The following PDS5A variants were observed in gnomAD, a reference collection of about 807,000 sequenced individuals.
PDS5A encodes the protein PDS5 cohesin associated factor A, also known as sister chromatid cohesion protein PDS5 homolog A.
A neutral mutation model predicts 167.1 loss-of-function variants in PDS5A; 42 were observed. That is an observed-to-expected ratio of 0.25 (90% CI 0.20 to 0.33). The LOEUF (loss-of-function observed/expected upper bound fraction) is 0.33. Among genes scored for constraint, PDS5A ranks in the 10% least tolerant of loss-of-function variants. The pLI is 1.00. For missense variants in PDS5A, 1,033 were observed against 1,605.9 expected, an observed-to-expected ratio of 0.64 and a Z score of 6.10; for synonymous variants, 553 against 554.6, an observed-to-expected ratio of 1.00 and a Z score of 0.04.
intron 2 of PDS5A, among the ~76,000 whole-genome samples, chr4:39,938,612 G>C (rs563427789): frequency 6.6e-6 from 1 of 152,060 alleles, no homozygotes; most frequent in Admixed American, 6.6e-5. Flanking sequence ...AATGTGGTTT[G>C]TAAAAGCCAA....
chr4:39,849,451 A>AAAC (rs1717925105), intron 27 of PDS5A, 69 bp downstream of exon 27: 1 of 1,149,902 alleles, frequency 8.7e-7, no homozygotes. Flanking sequence ...AAAAAAAAAA[A>AAAC]AAAAACCAAG....
At chr4:39,829,808 G>A (rs1283536409) in intron 32 of PDS5A, among the ~76,000 whole-genome samples, 4 of 151,528 alleles carry the variant, frequency 2.6e-5, no homozygotes, top group South Asian at 4.2e-4. Flanking sequence ...AAAATTAGCC[G>A]GGCGTGGTGG....
At chr4:39,891,418 G>A (rs111930791) in intron 16 of PDS5A, among the ~76,000 whole-genome samples, 1 of 151,738 alleles carries the variant, frequency 6.6e-6, no homozygotes, top group African/African-American at 2.4e-5. Context: ...GGAGGCTGAG[G>A]CGGGCGGATC....
intron 32 of PDS5A, among the ~76,000 whole-genome samples, chr4:39,828,799 G>T (rs1174520627): frequency 1.3e-5 from 2 of 152,150 alleles, no homozygotes; most frequent in Non-Finnish European, 2.9e-5. Flanking sequence ...GAGGTTAAGA[G>T]GTAAGCTCTT....
chr4:39,973,470 C>T (rs769274250), intron 2 of PDS5A: 17 of 1,342,594 alleles, frequency 1.3e-5, no homozygotes, highest in Non-Finnish European at 1.7e-5. Context: ...TTAATATTTA[C>T]GTGAAAAATC....
rs754573929 is a variant in PDS5A, at chr4:39,976,504, T to C, written c.74A>G (p.Tyr25Cys). 1 of 1,613,130 alleles carries C rather than the reference T, an allele frequency of 6.2e-7. No individual in the cohort carries two copies. Among genetic ancestry groups the C allele is most frequent in the Admixed American group, 1.7e-5 (1 of 59,948 alleles). ...GVVSADGKIA[Y>C]PPGVKEITDK... ...GGTGATCTCTTTTACCCCCGGAGGG[T>C]AAGCGATCTTCCCGTCGGCACTCAC... The change falls in exon 2 of 33, where the codon TAC (tyrosine) becomes TGC (cysteine). Residue 25 changes from tyrosine to cysteine, a missense_variant. This residue lies in a region of PDS5A where 388 missense variants were observed against 615.1 expected (regional missense o/e 0.63). Coordinates refer to ENST00000303538, the MANE Select transcript of PDS5A (RefSeq NM_001100399.2).
At chr4:39,892,087 C>G (rs1279147213) in intron 16 of PDS5A, among the ~76,000 whole-genome samples, 1 of 151,966 alleles carries the variant, frequency 6.6e-6, no homozygotes, top group Non-Finnish European at 1.5e-5. Flanking sequence ...TGCACAGACT[C>G]TGTCTCAAAA....
intron 18 of PDS5A, among the ~76,000 whole-genome samples, chr4:39,878,103 T>A (rs1237579885): frequency 1.3e-5 from 2 of 152,250 alleles, no homozygotes; most frequent in East Asian, 1.9e-4. Context: ...TAGTGTAGTA[T>A]CAAGATTAGG....
intron 25 of PDS5A, 137 bp from the exon 26 acceptor site, chr4:39,862,470 T>C: frequency 2.0e-6 from 1 of 506,992 alleles, no homozygotes; most frequent in Non-Finnish European, 3.5e-6. Flanking sequence ...TAAAATACTT[T>C]ACACTTCACT....
At chr4:39,950,388 C>CT (rs1260227803) in intron 2 of PDS5A, among the ~76,000 whole-genome samples, 2 of 151,828 alleles carry the variant, frequency 1.3e-5, no homozygotes, top group African/African-American at 4.8e-5. Context: ...GATCATGCCA[C>CT]TGTATACTTC....
At chr4:39,871,241 T>C (rs1719999362) in intron 21 of PDS5A, among the ~76,000 whole-genome samples, 1 of 152,180 alleles carries the variant, frequency 6.6e-6, no homozygotes, top group Admixed American at 6.6e-5. Context: ...GCTATTATGT[T>C]AGTGAATTTT....
At chr4:39,916,399 A>G (rs1441427999) in intron 8 of PDS5A, among the ~76,000 whole-genome samples, 5 of 152,214 alleles carry the variant, frequency 3.3e-5, no homozygotes, top group Non-Finnish European at 7.3e-5. Context: ...TAAAATTGTA[A>G]GCAATACCAT....
Position 39,908,267 on chromosome 4 carries a change from G to A in PDS5A, c.1233+128C>T, listed in dbSNP as rs1035230730. On this transcript the variant is annotated intron_variant, in intron 11 of 32. Coordinates refer to ENST00000303538, the MANE Select transcript of PDS5A (RefSeq NM_001100399.2). ...TATGCAGGAAACATACAAATTAGGA[G>A]CTCTTTATCATTGTTATTAATTTGA... 4.2e-5 allele frequency: 32 copies of A among 759,364 alleles called. No homozygotes were observed. The Admixed American group carries it at 4.5e-4, about 11-fold the overall frequency. The allele number at this position is 759,364 out of a possible 1,614,324, so 47.0% of individuals were successfully genotyped here.
intron 31 of PDS5A, among the ~76,000 whole-genome samples, chr4:39,841,067 T>TA (rs1716961627): frequency 6.6e-6 from 1 of 152,126 alleles, no homozygotes; most frequent in African/African-American, 2.4e-5. Context: ...GATGAACTTT[T>TA]AAAAACACAG....
At chr4:39,847,790 A>G (rs1717754937) in intron 28 of PDS5A, 1 of 152,090 alleles carries the variant, frequency 6.6e-6, no homozygotes, top group African/African-American at 2.4e-5. Flanking sequence ...TATTTCTTGG[A>G]ATGTGCATTT....
intron 32 of PDS5A, among the ~76,000 whole-genome samples, chr4:39,830,069 G>A (rs999973108): frequency 6.6e-6 from 1 of 150,738 alleles, no homozygotes; most frequent in Non-Finnish European, 1.5e-5. Flanking sequence ...CATGCCCTGT[G>A]TAGCACTAGC....
At chr4:39,976,115 G>A (rs1399863234) in intron 2 of PDS5A, 3 of 173,212 alleles carry the variant, frequency 1.7e-5, no homozygotes, top group African/African-American at 7.1e-5. Context: ...AAACTTCTTA[G>A]GCAAATTACT....
chr4:39,931,050 G>A (rs1415181282), intron 2 of PDS5A, among the ~76,000 whole-genome samples: 1 of 152,182 alleles, frequency 6.6e-6, no homozygotes, highest in Non-Finnish European at 1.5e-5. Flanking sequence ...GCTCACACCT[G>A]TAATCCCAGC....
chr4:39,953,039 A>AT (rs377180348), intron 2 of PDS5A, among the ~76,000 whole-genome samples: 6 of 152,246 alleles, frequency 3.9e-5, no homozygotes, highest in African/African-American at 1.4e-4. Flanking sequence ...AGATCTGGAA[A>AT]TTAAAAGATT....
Sources: allele counts gnomAD v4.1 joint callset (sites outside exome capture counted in the v4.1 genomes callset), GRCh38; gene constraint gnomAD v4.1.1; regional missense constraint gnomAD v4.1.1; transcripts MANE v1.5; gene names NCBI Gene and HGNC (gene_info 2026-07-23, HGNC 2026-07-21).